RANBP17: variants seen among roughly 807,000 people sequenced by gnomAD.
RANBP17 encodes the protein RAN binding protein 17.
Under a neutral mutation model 141.2 loss-of-function variants are expected in RANBP17, and 158 were observed. The ratio of observed to expected loss-of-function variants is 1.12; its 90% confidence interval spans 0.98 to 1.28. RANBP17 has a LOEUF of 1.28. Among genes scored for constraint, RANBP17 ranks in the 50% most tolerant of loss-of-function variants. The probability of loss-of-function intolerance (pLI) is 0.00; values close to 1 mark genes in which losing one functional copy is unlikely to be tolerated. For synonymous variants in RANBP17, 430 were observed against 450.0 expected, an observed-to-expected ratio of 0.96 and a Z score of 0.56; for missense variants, 1,438 against 1,290.7, an observed-to-expected ratio of 1.11 and a Z score of -1.75.
chr5:171,192,078 C>T (rs577928336), intron 18 of RANBP17, among the ~76,000 whole-genome samples: 1 of 152,140 alleles, frequency 6.6e-6, no homozygotes, highest in African/African-American at 2.4e-5. Context: ...CGTATTTCTT[C>T]TCATGGATAA....
intron 13 of RANBP17, among the ~76,000 whole-genome samples, chr5:170,965,279 T>C (rs1776467770): frequency 6.6e-6 from 1 of 151,604 alleles, no homozygotes; most frequent in South Asian, 2.1e-4. Context: ...TTTGAGTTCA[T>C]TGTAGATTCT....
At chr5:171,287,718 T>G (rs917785842) in intron 25 of RANBP17, among the ~76,000 whole-genome samples, 2 of 152,082 alleles carry the variant, frequency 1.3e-5, no homozygotes, top group African/African-American at 4.8e-5. Context: ...CCTTCTTTTT[T>G]GTTGTTGCTG....
intron 14 of RANBP17, among the ~76,000 whole-genome samples, chr5:171,072,881 C>T (rs1341219401): frequency 6.6e-6 from 1 of 152,156 alleles, no homozygotes; most frequent in East Asian, 1.9e-4. Flanking sequence ...TACTACTCAA[C>T]CATGAAGTGG....
chr5:171,107,991 T>A (rs1392504861), intron 14 of RANBP17, among the ~76,000 whole-genome samples: 1 of 152,232 alleles, frequency 6.6e-6, no homozygotes, highest in Non-Finnish European at 1.5e-5. Context: ...ATAATTAACC[T>A]TTTGAACTTG....
chr5:170,909,748 T>A lies in RANBP17; in HGVS notation c.577T>A (p.Cys193Ser), dbSNP rs953988827. The A allele has an allele frequency of 4.0e-5, 61 of 1,539,106 alleles. No individual in the cohort carries two copies. Among genetic ancestry groups the A allele is most frequent in the Non-Finnish European group, 5.3e-5 (59 of 1,114,046 alleles). The change falls in exon 6 of 28, where the codon TGC becomes AGC. Residue 193 changes from cysteine (C) to serine (S), a missense_variant. Coordinates refer to ENST00000523189, the MANE Select transcript of RANBP17 (RefSeq NM_022897.5). ...TSLKDVLVLA[C>S]SLLKEVFAKP... Reference sequence around the variant, plus strand: ...TCTCAAAGACGTTTTAGTGCTAGCATGCTCTCTTTTAAAAGAGGTAAGTTA... The same window carrying A: ...TCTCAAAGACGTTTTAGTGCTAGCAAGCTCTCTTTTAAAAGAGGTAAGTTA...
intron 2 of RANBP17, among the ~76,000 whole-genome samples, chr5:170,881,563 T>C (rs1473335099): frequency 6.6e-6 from 1 of 152,246 alleles, no homozygotes; most frequent in Non-Finnish European, 1.5e-5. Context: ...TCTTTGCTTA[T>C]TGTTATTTGA....
intron 14 of RANBP17, among the ~76,000 whole-genome samples, chr5:171,154,847 C>T (rs1758744485): frequency 6.6e-6 from 1 of 151,700 alleles, no homozygotes; most frequent in Non-Finnish European, 1.5e-5. Flanking sequence ...GGCCGAGGCA[C>T]GTGGAGCACC....
intron 22 of RANBP17, among the ~76,000 whole-genome samples, chr5:171,233,859 A>G (rs1764360284): frequency 6.6e-6 from 1 of 152,240 alleles, no homozygotes; most frequent in African/African-American, 2.4e-5. Context: ...GTACACCACC[A>G]ACAGTGAACG....
At chr5:171,148,587 T>C (rs1758244794) in intron 14 of RANBP17, among the ~76,000 whole-genome samples, 1 of 151,544 alleles carries the variant, frequency 6.6e-6, no homozygotes, top group Admixed American at 6.6e-5. Context: ...TACTTGTCTA[T>C]ATATCTGTAT....
At chr5:170,889,464 CAAAA>C (rs767002376) in intron 3 of RANBP17, among the ~76,000 whole-genome samples, 1 of 152,044 alleles carries the variant, frequency 6.6e-6, no homozygotes, top group Non-Finnish European at 1.5e-5. Context: ...AGGAAGCAAA[CAAAA>C]AATCGGAATG....
chr5:170,933,352 C>A (rs1364638896), intron 12 of RANBP17, among the ~76,000 whole-genome samples: 2 of 151,792 alleles, frequency 1.3e-5, no homozygotes, highest in Non-Finnish European at 2.9e-5. Context: ...TTGATCTTTT[C>A]AAAAAAACCA....
rs761775349 is a variant in RANBP17, at chr5:171,109,261, TTATC to T, written c.1711-60865_1711-60862del. ...ATTTGCCTTTTTTATGAATTTCAAATTATCTATTATAGTTTAAAGATAACTGCTC... is the reference window on the plus strand; with the variant it reads ...ATTTGCCTTTTTTATGAATTTCAAATTATTATAGTTTAAAGATAACTGCTC... On this transcript the variant is annotated intron_variant, in intron 14 of 27. Transcript: ENST00000523189. Among the ~76,000 whole-genome samples the T allele has an allele frequency of 3.9e-5, 6 of 152,348 alleles. No homozygotes were observed. In the East Asian group the frequency reaches 5.8e-4, roughly 15 times the overall value.
At chr5:170,967,123 C>T (rs1357914800) in intron 13 of RANBP17, among the ~76,000 whole-genome samples, 1 of 152,040 alleles carries the variant, frequency 6.6e-6, no homozygotes, top group African/African-American at 2.4e-5. Context: ...GAGGAACCTC[C>T]TTATGTCTGA....
chr5:171,292,461 C>G (rs1175277556), intron 25 of RANBP17, among the ~76,000 whole-genome samples: 1 of 152,140 alleles, frequency 6.6e-6, no homozygotes, highest in Non-Finnish European at 1.5e-5. Context: ...AACTGAGACA[C>G]AGAGAGAAGT....
At chr5:171,094,420 A>G (rs1786527845) in intron 14 of RANBP17, among the ~76,000 whole-genome samples, 1 of 152,220 alleles carries the variant, frequency 6.6e-6, no homozygotes, top group Admixed American at 6.5e-5. Context: ...AGTGCCTGGC[A>G]TTTTGAAAAT....
chr5:171,107,677 T>C (rs998321174), intron 14 of RANBP17, among the ~76,000 whole-genome samples: 1 of 152,212 alleles, frequency 6.6e-6, no homozygotes, highest in Non-Finnish European at 1.5e-5. Flanking sequence ...ATTCATAACA[T>C]AGTTTGAATT....
At chr5:170,951,237 C>G (rs1775184279) in intron 12 of RANBP17, among the ~76,000 whole-genome samples, 1 of 151,984 alleles carries the variant, frequency 6.6e-6, no homozygotes, top group African/African-American at 2.4e-5. Context: ...GAATTATTCT[C>G]AACACAGAAA....
chr5:171,054,653 C>A (rs191103661), intron 14 of RANBP17, among the ~76,000 whole-genome samples: 6 of 152,164 alleles, frequency 3.9e-5, no homozygotes. Flanking sequence ...CTTTTGCCGA[C>A]CTTCTGTCTC....
At position 171,299,747 on chromosome 5, in the gene RANBP17, A is replaced by G. The variant is rs1365252330; in HGVS notation, c.*889A>G. 4.4e-6 allele frequency: 1 copy of G among 226,328 alleles called. No individual in the cohort carries two copies. Among genetic ancestry groups the G allele is most frequent in the East Asian group, 6.4e-5 (1 of 15,732 alleles). The allele number at this position is 226,328 out of a possible 1,614,324, so 14.0% of individuals were successfully genotyped here. The stretch of plus-strand genomic sequence containing the variant: ...GAGGATGAGAAATAGCTGGTTTCCA[A>G]CTCTCCACAAAAACTCTTATTACTG... On this transcript the variant is annotated 3_prime_UTR_variant, in exon 28 of 28. Coordinates refer to ENST00000523189, the MANE Select transcript of RANBP17 (RefSeq NM_022897.5).
Sources: gnomAD v4.1 joint callset for allele counts (sites outside exome capture counted in the v4.1 genomes callset) on GRCh38, gnomAD v4.1.1 for gene constraint, MANE v1.5 for transcripts, NCBI Gene and HGNC (gene_info 2026-07-23, HGNC 2026-07-21) for gene names.